The following ATP6V1D variants were observed in gnomAD, a reference collection of about 807,000 sequenced individuals.
ATP6V1D encodes the protein ATPase H+ transporting V1 subunit D.
ATP6V1D carries 20 observed loss-of-function variants against 39.4 expected under a neutral mutation model. The observed-to-expected ratio is 0.51, with a 90% CI of 0.36 to 0.74. The LOEUF (loss-of-function observed/expected upper bound fraction) is 0.74. Ranked by LOEUF, ATP6V1D falls within the 30% of genes least tolerant of loss-of-function variation. The pLI is 0.00. For missense variants in ATP6V1D, 228 were observed against 291.6 expected (o/e 0.78, Z 1.59); for synonymous variants, 100 against 100.5 (o/e 0.99, Z 0.03).
rs1405509611 is a variant in ATP6V1D at position 67,338,435 on chromosome 14, T to C, written c.*186A>G. 11 of 620,522 alleles carry C rather than the reference T, an allele frequency of 1.8e-5. No individual in the cohort carries two copies. The Admixed American group carries it at 2.6e-4, about 15-fold the overall frequency. The allele number at this position is 620,522 out of a possible 1,614,324, so 38.4% of individuals were successfully genotyped here. On this transcript the variant is annotated 3_prime_UTR_variant, in exon 9 of 9. Coordinates refer to ENST00000216442, the MANE Select transcript of ATP6V1D (RefSeq NM_015994.4). ...GGGCAGGTTTTACAGATCTCTTTCATCCATGATAAATGGTTGCTAAATTAT... is the reference window on the plus strand; with the variant it reads ...GGGCAGGTTTTACAGATCTCTTTCACCCATGATAAATGGTTGCTAAATTAT...
chr14:67,338,883 TATTA>T, intron 8 of ATP6V1D, 121 bp from the exon 9 acceptor site: 2 of 760,782 alleles, frequency 2.6e-6, no homozygotes, highest in Non-Finnish European at 3.9e-6. Flanking sequence ...CTGGTACTTT[TATTA>T]ATTTCATTTT....
intron 4 of ATP6V1D, among the ~76,000 whole-genome samples, chr14:67,347,692 G>T (rs1327253362): frequency 6.6e-6 from 1 of 151,850 alleles, no homozygotes; most frequent in Admixed American, 6.6e-5. Flanking sequence ...TAGACACGGG[G>T]TTTCTCCATG....
intron 6 of ATP6V1D, 32 bp from the exon 7 acceptor site, chr14:67,343,470 CAA>C: frequency 7.0e-7 from 1 of 1,434,976 alleles, no homozygotes; most frequent in South Asian, 1.2e-5. Flanking sequence ...AATGTAAGCA[CAA>C]AGTCTTCCTA....
At chr14:67,340,392 G>A (rs1229782935) in intron 8 of ATP6V1D, 48 bp downstream of exon 8, 4 of 1,509,118 alleles carry the variant, frequency 2.7e-6, no homozygotes, top group Non-Finnish European at 3.7e-6. Flanking sequence ...TACAGCCTTT[G>A]GAATATGGAA....
At chr14:67,339,303 C>A (rs757700510) in intron 8 of ATP6V1D, among the ~76,000 whole-genome samples, 1 of 151,902 alleles carries the variant, frequency 6.6e-6, no homozygotes, top group African/African-American at 2.4e-5. Context: ...AGCCTAGAAG[C>A]CTTTATTAGG....
chr14:67,349,710 C>CA (rs1251617900), intron 3 of ATP6V1D, among the ~76,000 whole-genome samples: 1 of 152,108 alleles, frequency 6.6e-6, no homozygotes, highest in Non-Finnish European at 1.5e-5. Flanking sequence ...CAAAACAAAA[C>CA]AAAAATAAAT....
intron 8 of ATP6V1D, chr14:67,340,205 A>G (rs756616328): frequency 2.2e-6 from 1 of 456,446 alleles, no homozygotes; most frequent in Non-Finnish European, 4.0e-6. Flanking sequence ...AATCAAACCT[A>G]AACAGTTTCT....
chr14:67,341,327 C>T (rs1361853618), intron 7 of ATP6V1D, among the ~76,000 whole-genome samples: 7 of 152,092 alleles, frequency 4.6e-5, no homozygotes, highest in African/African-American at 9.6e-5. Flanking sequence ...CCGGCCACCC[C>T]GTCTGAGAAG....
rs370450728 is a variant in ATP6V1D, at chr14:67,341,123, G to A, written c.524-605C>T. ...GGTCTGGGAAGTGAGGAGCCTCTCTGCCTGGCCGCCCATCGTCTGGGATGT... is the reference window on the plus strand; with the variant it reads ...GGTCTGGGAAGTGAGGAGCCTCTCTACCTGGCCGCCCATCGTCTGGGATGT... On this transcript the variant is annotated intron_variant, in intron 7 of 8. Transcript: ENST00000216442. Among the ~76,000 whole-genome samples the A allele has an allele frequency of 8.5e-5, 13 of 152,256 alleles. No homozygotes were observed. The East Asian group carries it at 2.3e-3, about 27-fold the overall frequency.
intron 1 of ATP6V1D, 119 bp downstream of exon 1, chr14:67,359,539 T>C (rs1320662926): frequency 1.2e-5 from 14 of 1,168,010 alleles, no homozygotes; most frequent in Non-Finnish European, 1.7e-5. Context: ...GAAAAGAACC[T>C]GGGAAAAGCT....
intron 7 of ATP6V1D, among the ~76,000 whole-genome samples, chr14:67,342,323 T>C (rs117920171): frequency 0.019 from 2,877 of 152,010 alleles, 37 homozygotes; most frequent in Middle Eastern, 0.034. Context: ...CTAGTGTCTT[T>C]TCTATGCATA....
intron 5 of ATP6V1D, among the ~76,000 whole-genome samples, chr14:67,346,387 C>T (rs2085619721): frequency 6.6e-6 from 1 of 152,254 alleles, no homozygotes; most frequent in African/African-American, 2.4e-5. Context: ...TCTCAGCTCA[C>T]TGTAAGCTCC....
chr14:67,343,233 CTT>C lies in ATP6V1D; in HGVS notation c.523+137_523+138del, dbSNP rs1247541133. On this transcript the variant is annotated intron_variant, in intron 7 of 8. Coordinates refer to ENST00000216442, the MANE Select transcript of ATP6V1D (RefSeq NM_015994.4). ...ACTTTTTTTTTTTACTATGGACACACTTCTCTCTTTGCACTGTGGGCAAGGGA... is the reference window on the plus strand; with the variant it reads ...ACTTTTTTTTTTTACTATGGACACACCTCTCTTTGCACTGTGGGCAAGGGA... The C allele has an allele frequency of 1.2e-5, 7 of 563,624 alleles. No homozygotes were observed. The African/African-American group carries it at 1.3e-4, about 11-fold the overall frequency. The allele number at this position is 563,624 out of a possible 1,614,324, so 34.9% of individuals were successfully genotyped here.
rs2141106069 is a variant in ATP6V1D at position 67,350,532 on chromosome 14, T to TA, written c.239+78dup. ...TTGTCCTTAACGCTTATTTCTAAATTAAAAAATGCTTTTTAAATGAAATTA... is the reference window on the plus strand; with the variant it reads ...TTGTCCTTAACGCTTATTTCTAAATTAAAAAAATGCTTTTTAAATGAAATTA... On this transcript the variant is annotated intron_variant, in intron 3 of 8. Transcript: ENST00000216442. The TA allele has an allele frequency of 7.7e-6, 10 of 1,300,570 alleles. No individual in the cohort carries two copies. In the South Asian group the frequency reaches 1.0e-4, roughly 13 times the overall value. The allele number at this position is 1,300,570 out of a possible 1,614,324, so 80.6% of individuals were successfully genotyped here.
At position 67,359,776 on chromosome 14, in the gene ATP6V1D, G is replaced by C; in HGVS notation, c.-78C>G. The C allele has an allele frequency of 1.9e-6, 3 of 1,542,612 alleles. No individual in the cohort carries two copies. In the Admixed American group the frequency reaches 5.0e-5, roughly 26 times the overall value. On this transcript the variant is annotated 5_prime_UTR_variant, in exon 1 of 9. Transcript: ENST00000216442. ...TAGCTCCAGAACTGGCCTCCACAGT[G>C]TCTTCCTCTACGGGAGTCAGCTGGT... is the stretch of plus-strand genomic sequence containing the variant.
intron 2 of ATP6V1D, 61 bp from the exon 3 acceptor site, chr14:67,350,751 A>G: frequency 2.1e-6 from 3 of 1,452,952 alleles, no homozygotes; most frequent in Non-Finnish European, 2.9e-6. Context: ...ATATTCCATC[A>G]TAATTATGTT....
Position 67,353,711 on chromosome 14 carries a change from G to A in ATP6V1D, c.42-671C>T, listed in dbSNP as rs181532987. The A allele has an allele frequency of 1.1e-3, 169 of 152,142 alleles. 1 individual carries two copies. In the Middle Eastern group the frequency reaches 0.017, roughly 15 times the overall value. 9.4% of individuals were successfully genotyped at this position (152,142 alleles called of 1,614,324 possible). On this transcript the variant is annotated intron_variant, in intron 1 of 8. Coordinates refer to ENST00000216442, the MANE Select transcript of ATP6V1D (RefSeq NM_015994.4). Reference sequence around the variant, plus strand: ...TCACCATACTGACCAGGCTCATCTCGAACTCTTGACTTTAAGTGATCTGCC... The same window carrying A: ...TCACCATACTGACCAGGCTCATCTCAAACTCTTGACTTTAAGTGATCTGCC...
intron 8 of ATP6V1D, 59 bp from the exon 9 acceptor site, chr14:67,338,821 G>A: frequency 6.8e-7 from 1 of 1,468,996 alleles, no homozygotes; most frequent in Non-Finnish European, 9.2e-7. Context: ...AAGTAGATTT[G>A]ATTTCTTTGA....
chr14:67,358,798 A>T (rs1400696391), intron 1 of ATP6V1D, among the ~76,000 whole-genome samples: 1 of 152,238 alleles, frequency 6.6e-6, no homozygotes, highest in Admixed American at 6.5e-5. Context: ...TTCCTTACAA[A>T]CTAGCCAAAC....
Sources: allele counts gnomAD v4.1 joint callset (sites outside exome capture counted in the v4.1 genomes callset), GRCh38; gene constraint gnomAD v4.1.1; transcripts MANE v1.5; gene names NCBI Gene and HGNC (gene_info 2026-07-23, HGNC 2026-07-21).